The following RPS6KA2 variants were observed in gnomAD, a reference collection of about 807,000 sequenced individuals.
RPS6KA2 encodes ribosomal protein S6 kinase A2, also known as ribosomal protein S6 kinase alpha-2.
Under a neutral mutation model 91.8 loss-of-function variants are expected in RPS6KA2, and 42 were observed. That is an observed-to-expected ratio of 0.46 (90% CI 0.36 to 0.59). RPS6KA2 has a LOEUF of 0.59. Ranked by LOEUF, RPS6KA2 falls within the 20% of genes least tolerant of loss-of-function variation. The pLI, the probability that RPS6KA2 is intolerant of heterozygous loss-of-function variation, is 0.00. For missense variants in RPS6KA2, 798 were observed against 978.5 expected, an observed-to-expected ratio of 0.82 and a Z score of 2.46; for synonymous variants, 414 against 393.6, an observed-to-expected ratio of 1.05 and a Z score of -0.61.
In RPS6KA2 at chr6:166,508,181, G is replaced by A; in HGVS notation, c.459+22C>T. ...GACAGAAGCTCCTGCCCGCCCTCCTGTGTGATGTGGCGGCTGCTCACCTCT... is the reference window on the plus strand; with the variant it reads ...GACAGAAGCTCCTGCCCGCCCTCCTATGTGATGTGGCGGCTGCTCACCTCT... On this transcript the variant is annotated intron_variant, in intron 5 of 20. Coordinates refer to ENST00000265678, the MANE Select transcript of RPS6KA2 (RefSeq NM_021135.6). The surrounding 1 kb of genome is among the most constrained non-coding windows in gnomAD (Gnocchi z 4.3). The A allele has an allele frequency of 9.6e-6, 15 of 1,555,582 alleles. No individual in the cohort carries two copies. Among genetic ancestry groups the A allele is most frequent in the Non-Finnish European group, 1.3e-5 (15 of 1,127,568 alleles).
chr6:166,490,135 G>A lies in RPS6KA2; in HGVS notation c.818+536C>T, dbSNP rs1330724343. On this transcript the variant is annotated intron_variant, in intron 9 of 20. Transcript: ENST00000265678. The surrounding 1 kb of genome is among the most constrained non-coding windows in gnomAD (Gnocchi z 4.2). ...AATGATTTTTCATGAGAATTAAGCA[G>A]AAAATGGTTTGTATCCAGTCACATG... Among the ~76,000 whole-genome samples, 1 of 152,202 alleles carries A rather than the reference G, an allele frequency of 6.6e-6. No homozygotes were observed. Among genetic ancestry groups the A allele is most frequent in the African/African-American group, 2.4e-5 (1 of 41,446 alleles).
At chr6:166,461,561 C>T (rs931086157) in intron 11 of RPS6KA2, among the ~76,000 whole-genome samples, 3 of 35,286 alleles carry the variant, frequency 8.5e-5, no homozygotes, top group East Asian at 1.1e-3. Flanking sequence ...GAGAAAGAGA[C>T]GGAGGGGAGG....
intron 17 of RPS6KA2, among the ~76,000 whole-genome samples, chr6:166,420,206 G>C: frequency 6.6e-6 from 1 of 152,164 alleles, no homozygotes; most frequent in Non-Finnish European, 1.5e-5. Context: ...CTGAAAAGGA[G>C]GGCCTTAATT....
At chr6:166,862,388 T>G in exon 1 of RPS6KA2, 1 of 1,387,796 alleles carries the variant, frequency 7.2e-7, no homozygotes, top group Non-Finnish European at 9.4e-7. Context: ...GGGGCTGCAA[T>G]ATGGCTGCTC....
At chr6:166,679,320 C>T (rs1788713588) in intron 2 of RPS6KA2, among the ~76,000 whole-genome samples, 1 of 151,680 alleles carries the variant, frequency 6.6e-6, no homozygotes, top group Non-Finnish European at 1.5e-5. Context: ...AAAAATTAGC[C>T]AGGCATGGTG....
At chr6:166,785,951 C>T (rs888416762) in intron 2 of RPS6KA2, among the ~76,000 whole-genome samples, 34 of 152,202 alleles carry the variant, frequency 2.2e-4, no homozygotes, top group African/African-American at 7.7e-4. Context: ...AGATAATAAT[C>T]AATTAAATAA....
In RPS6KA2 at chr6:166,528,585, A is replaced by C. The variant is rs149838941; in HGVS notation, c.298+2647T>G. Among the ~76,000 whole-genome samples the C allele has an allele frequency of 5.5e-4, 82 of 150,438 alleles. 5 individuals carry two copies. In the East Asian group the frequency reaches 0.015, roughly 28 times the overall value. On this transcript the variant is annotated intron_variant, in intron 3 of 20. Transcript: ENST00000265678. ...TTAACAAATGGGATCTAATTAAACTAAAGAGCTTCCACACAGCAAAAGAAA... is the reference window on the plus strand; with the variant it reads ...TTAACAAATGGGATCTAATTAAACTCAAGAGCTTCCACACAGCAAAAGAAA...
intron 4 of RPS6KA2, among the ~76,000 whole-genome samples, chr6:166,509,652 G>T (rs1782394011): frequency 6.6e-6 from 1 of 152,210 alleles, no homozygotes; most frequent in South Asian, 2.1e-4. Context: ...AATGTAATAA[G>T]CCATGAATCT....
intron 10 of RPS6KA2, among the ~76,000 whole-genome samples, chr6:166,476,313 G>A (rs573133875): frequency 2.4e-4 from 37 of 152,246 alleles, no homozygotes; most frequent in Admixed American, 1.9e-3. Context: ...CCAGAGCTGC[G>A]GGAGGACACA....
chr6:166,547,586 T>C (rs1222071044), intron 1 of RPS6KA2, among the ~76,000 whole-genome samples: 1 of 152,204 alleles, frequency 6.6e-6, no homozygotes, highest in Non-Finnish European at 1.5e-5. Flanking sequence ...ATGGAGAGGA[T>C]GTGCTAGAAG....
intron 2 of RPS6KA2, among the ~76,000 whole-genome samples, chr6:166,823,991 C>A (rs1344594740): frequency 6.6e-6 from 1 of 152,128 alleles, no homozygotes; most frequent in Non-Finnish European, 1.5e-5. Flanking sequence ...AGTTTATGCT[C>A]TCCATGTGAA....
At chr6:166,681,694 C>G (rs1323759278) in intron 2 of RPS6KA2, among the ~76,000 whole-genome samples, 1 of 72,042 alleles carries the variant, frequency 1.4e-5, no homozygotes, top group African/African-American at 7.0e-5. Flanking sequence ...CTGCCCGCCC[C>G]CCCCCCCGCC....
At chr6:166,581,738 A>T (rs1785015154) in intron 1 of RPS6KA2, among the ~76,000 whole-genome samples, 1 of 151,982 alleles carries the variant, frequency 6.6e-6, no homozygotes, top group East Asian at 1.9e-4. Flanking sequence ...TGGGGAGGGA[A>T]CACCCGCTGG....
intron 1 of RPS6KA2, among the ~76,000 whole-genome samples, chr6:166,624,502 G>A (rs2128542164): frequency 6.6e-6 from 1 of 152,320 alleles, no homozygotes; most frequent in Admixed American, 6.5e-5. Flanking sequence ...TCAAGTATGG[G>A]TAGGGCGCAG....
chr6:166,469,246 C>G (rs1483365049), intron 11 of RPS6KA2, among the ~76,000 whole-genome samples: 1 of 151,984 alleles, frequency 6.6e-6, no homozygotes, highest in Admixed American at 6.6e-5. Context: ...TCCAGCCTGG[C>G]CCAGAGAACT....
intron 2 of RPS6KA2, among the ~76,000 whole-genome samples, chr6:166,695,807 T>TAGGAGCACTGGATTCTCAC (rs1562388014): frequency 2.2e-3 from 289 of 132,818 alleles, no homozygotes; most frequent in African/African-American, 0.011. Flanking sequence ...TGGATTCTCA[T>TAGGAGCACTGGATTCTCAC]AGGAGCACTG....
rs1780771313 is a variant in RPS6KA2, at chr6:166,852,539, C to T, written c.123+5661G>A. Among the ~76,000 whole-genome samples, 1 of 152,204 alleles carries T rather than the reference C, an allele frequency of 6.6e-6. No homozygotes were observed. The highest frequency in any genetic ancestry group is 2.4e-5 in the African/African-American group (1 of 41,448). Reference sequence around the variant, plus strand: ...TGTCCCGGGCCATATCCTGCTGGAGCTTTGGCCCAGAGCTCCTGAACACAC... The same window carrying T: ...TGTCCCGGGCCATATCCTGCTGGAGTTTTGGCCCAGAGCTCCTGAACACAC... On this transcript the variant is annotated intron_variant, in intron 2 of 21. Transcript: ENST00000503859. This position sits in a 1 kb window ranked among gnomAD's most constrained non-coding sequence, Gnocchi z 4.1.
chr6:166,808,424 C>T (rs1423649949), intron 2 of RPS6KA2, among the ~76,000 whole-genome samples: 1 of 152,166 alleles, frequency 6.6e-6, no homozygotes, highest in Non-Finnish European at 1.5e-5. Flanking sequence ...ATTATTATTA[C>T]TGTTATTGCT....
chr6:166,823,974 C>T (rs1779970189), intron 2 of RPS6KA2, among the ~76,000 whole-genome samples: 1 of 152,152 alleles, frequency 6.6e-6, no homozygotes, highest in African/African-American at 2.4e-5. Flanking sequence ...GGCATGCTCT[C>T]CTCAAAAGTT....
Sources: allele counts gnomAD v4.1 joint callset (sites outside exome capture counted in the v4.1 genomes callset), GRCh38; gene constraint gnomAD v4.1.1; non-coding constraint Gnocchi (gnomAD v3.1); transcripts MANE v1.5; gene names NCBI Gene and HGNC (gene_info 2026-07-23, HGNC 2026-07-21).